The following DUSP22 variants were observed in gnomAD, a reference collection of about 807,000 sequenced individuals.
The protein encoded by DUSP22 is dual specificity phosphatase 22.
Under a neutral mutation model 24.5 loss-of-function variants are expected in DUSP22, and 24 were observed. The ratio of observed to expected loss-of-function variants is 0.98; its 90% CI spans 0.71 to 1.38. The LOEUF is 1.38. DUSP22 is among the 40% of genes most tolerant of loss of function. The pLI is 0.00. For missense variants in DUSP22, 330 were observed against 269.2 expected (o/e 1.23, Z -1.58); for synonymous variants, 160 against 106.4 (o/e 1.50, Z -3.10).
chr6:300,671 G>C (rs979966024), intron 1 of DUSP22, among the ~76,000 whole-genome samples: 5 of 152,302 alleles, frequency 3.3e-5, no homozygotes, highest in Non-Finnish European at 1.5e-5. Flanking sequence ...CTAGCAGGGC[G>C]GGTAGGTCTC....
At chr6:317,778 C>G (rs533588961) in intron 3 of DUSP22, among the ~76,000 whole-genome samples, 1 of 152,308 alleles carries the variant, frequency 6.6e-6, no homozygotes. Flanking sequence ...GGATCCAGCA[C>G]GCAGGGGCCC....
At chr6:339,536 GTAA>G (rs1759505992) in intron 4 of DUSP22, among the ~76,000 whole-genome samples, 1 of 152,294 alleles carries the variant, frequency 6.6e-6, no homozygotes, top group Non-Finnish European at 1.5e-5. Flanking sequence ...CATGAAGCAA[GTAA>G]TTACAGATTT....
chr6:323,657 A>G (rs1003919479), intron 3 of DUSP22, among the ~76,000 whole-genome samples: 1 of 152,304 alleles, frequency 6.6e-6, no homozygotes, highest in Non-Finnish European at 1.5e-5. Context: ...GGATGGCTGT[A>G]TAGGCACAGA....
intron 3 of DUSP22, among the ~76,000 whole-genome samples, chr6:324,955 G>A (rs1355550480): frequency 6.6e-6 from 1 of 152,310 alleles, no homozygotes; most frequent in Non-Finnish European, 1.5e-5. Flanking sequence ...GGAGGGAGCT[G>A]TGTTTAAGGC....
At position 349,249 on chromosome 6, in the gene DUSP22, G is replaced by A. The variant is rs1462690530; in HGVS notation, c.*298G>A. 6.7e-6 allele frequency: 9 copies of A among 1,348,674 alleles called. No homozygotes were observed. Among genetic ancestry groups the A allele is most frequent in the Non-Finnish European group, 8.6e-6 (9 of 1,046,996 alleles). 83.5% of individuals were successfully genotyped at this position (1,348,674 alleles called of 1,614,324 possible). ...CTTGTGTGTGGGTGACTAAGTGGAT[G>A]CATGTGTGTGCCTGTGTGAGTGAGG... On this transcript the variant is annotated 3_prime_UTR_variant, in exon 7 of 7. Transcript: ENST00000419235.
At chr6:337,355 C>G (rs1393498172) in intron 4 of DUSP22, among the ~76,000 whole-genome samples, 3 of 152,310 alleles carry the variant, frequency 2.0e-5, no homozygotes, top group African/African-American at 7.2e-5. Flanking sequence ...TCTGCGAACT[C>G]TGAGCACTTG....
intron 3 of DUSP22, among the ~76,000 whole-genome samples, chr6:318,309 G>A (rs1389937374): frequency 6.6e-6 from 1 of 152,306 alleles, no homozygotes; most frequent in Admixed American, 6.5e-5. Flanking sequence ...CCCATGCCAG[G>A]GTTGGCACAC....
intron 1 of DUSP22, among the ~76,000 whole-genome samples, chr6:293,354 AG>A (rs1757182689): frequency 6.6e-6 from 1 of 152,304 alleles, no homozygotes. Context: ...TGTGAACCAC[AG>A]GGTTAAGGAT....
In DUSP22 at chr6:350,804, A is replaced by G. The variant is rs773656604; in HGVS notation, c.*1853A>G. The G allele has an allele frequency of 1.2e-6, 2 of 1,614,132 alleles. No individual in the cohort carries two copies. Among genetic ancestry groups the G allele is most frequent in the Non-Finnish European group, 1.7e-6 (2 of 1,180,026 alleles). On this transcript the variant is annotated 3_prime_UTR_variant, in exon 7 of 7. Coordinates refer to ENST00000419235, the MANE Select transcript of DUSP22 (RefSeq NM_001286555.3). ...TGTTGTTTTAATATTTGTTGCCAGT[A>G]ATGTTCTTTCTTCACAGCCGCTCCG...
chr6:341,480 A>C (rs1265799166), intron 4 of DUSP22, among the ~76,000 whole-genome samples: 3 of 152,306 alleles, frequency 2.0e-5, no homozygotes, highest in Admixed American at 1.3e-4. Flanking sequence ...TAACACCCCC[A>C]CACACAGTCC....
At chr6:307,193 T>C (rs1337929219) in intron 2 of DUSP22, among the ~76,000 whole-genome samples, 1 of 152,302 alleles carries the variant, frequency 6.6e-6, no homozygotes, top group Non-Finnish European at 1.5e-5. Flanking sequence ...TTACGAGTAA[T>C]ATGTGCCTCT....
intron 4 of DUSP22, among the ~76,000 whole-genome samples, chr6:340,097 G>T (rs983244310): frequency 6.6e-6 from 1 of 152,308 alleles, no homozygotes; most frequent in Admixed American, 6.5e-5. Flanking sequence ...TCTGGGAAAT[G>T]ATGTTGTAGT....
intron 4 of DUSP22, among the ~76,000 whole-genome samples, chr6:341,332 G>A (rs1217548629): frequency 6.6e-6 from 1 of 152,304 alleles, no homozygotes; most frequent in East Asian, 1.9e-4. Flanking sequence ...GCTTGCGGTA[G>A]GATAGTGCTT....
chr6:317,838 G>A (rs1022081655), intron 3 of DUSP22, among the ~76,000 whole-genome samples: 5 of 152,288 alleles, frequency 3.3e-5, no homozygotes, highest in South Asian at 2.1e-4. Flanking sequence ...ATTTAGCCCC[G>A]TTCCAAAGTG....
At chr6:294,322 A>G (rs979294999) in intron 1 of DUSP22, among the ~76,000 whole-genome samples, 3 of 152,004 alleles carry the variant, frequency 2.0e-5, no homozygotes, top group Non-Finnish European at 4.4e-5. Context: ...GATTATGTAC[A>G]TACTATGAGC....
chr6:349,703 A>G lies in DUSP22; in HGVS notation c.*752A>G. On this transcript the variant is annotated 3_prime_UTR_variant, in exon 7 of 7. Transcript: ENST00000419235. The stretch of plus-strand genomic sequence containing the variant: ...TCAGCATTTAAGGGAAGTATCTTAG[A>G]TTGCCTCCATCTCAATGTGAATGCA... 1.0e-6 allele frequency: 1 copy of G among 986,056 alleles called. No individual in the cohort carries two copies. Among genetic ancestry groups the G allele is most frequent in the Non-Finnish European group, 1.2e-6 (1 of 830,314 alleles). The allele number at this position is 986,056 out of a possible 1,614,324, so 61.1% of individuals were successfully genotyped here.
At chr6:307,924 T>C (rs2127395172) in intron 2 of DUSP22, among the ~76,000 whole-genome samples, 1 of 152,418 alleles carries the variant, frequency 6.6e-6, no homozygotes, top group South Asian at 2.1e-4. Flanking sequence ...ATCACCATGC[T>C]TAACAGGTCA....
chr6:339,079 C>A (rs1759483317), intron 4 of DUSP22, among the ~76,000 whole-genome samples: 1 of 152,306 alleles, frequency 6.6e-6, no homozygotes, highest in Admixed American at 6.5e-5. Flanking sequence ...AGTTCAAGTT[C>A]TCAGAGTTGT....
chr6:303,457 G>GT (rs1757676429), intron 1 of DUSP22, among the ~76,000 whole-genome samples: 2 of 152,312 alleles, frequency 1.3e-5, no homozygotes, highest in Non-Finnish European at 2.9e-5. Context: ...TGAGCCATGG[G>GT]TTTTTAGCGA....
Sources: gnomAD v4.1 joint callset for allele counts (sites outside exome capture counted in the v4.1 genomes callset) on GRCh38, gnomAD v4.1.1 for gene constraint, MANE v1.5 for transcripts, NCBI Gene and HGNC (gene_info 2026-07-23, HGNC 2026-07-21) for gene names.